The following PSMD12 variants were observed in gnomAD, a reference collection of about 807,000 sequenced individuals.
PSMD12 encodes the protein proteasome 26S subunit, non-ATPase 12.
PSMD12 carries 8 observed loss-of-function variants against 62.9 expected under a neutral mutation model. That is an observed-to-expected ratio of 0.13 (90% CI 0.07 to 0.23). The LOEUF is 0.23. Ranked by LOEUF, PSMD12 falls within the 10% of genes least tolerant of loss-of-function variation. The pLI, the probability that PSMD12 is intolerant of heterozygous loss-of-function variation, is 1.00. For missense variants in PSMD12, 424 were observed against 550.2 expected, an observed-to-expected ratio of 0.77 and a Z score of 2.29; for synonymous variants, 173 against 187.4, an observed-to-expected ratio of 0.92 and a Z score of 0.63.
chr17:67,338,223 T>C lies in PSMD12; in HGVS notation c.*2620A>G, dbSNP rs1211146195. On this transcript the variant is annotated 3_prime_UTR_variant, in exon 11 of 11. Transcript: ENST00000356126. ...CCTCTCCTGCTGGTTAATACACTAA[T>C]GACAATGAAATGGAATCAAGTGTTA... 2 of 152,234 alleles carry C rather than the reference T, an allele frequency of 1.3e-5. No individual in the cohort carries two copies. The highest frequency in any genetic ancestry group is 6.5e-5 in the Admixed American group (1 of 15,278). 9.4% of individuals were successfully genotyped at this position (152,234 alleles called of 1,614,324 possible). A position where few individuals can be genotyped will look rare whatever the true frequency, so the allele number is the denominator to read the frequency against.
intron 1 of PSMD12, among the ~76,000 whole-genome samples, chr17:67,362,223 T>C (rs2042137210): frequency 6.6e-6 from 1 of 152,140 alleles, no homozygotes. Flanking sequence ...AAATACCATA[T>C]CTTTACAGTG....
chr17:67,340,388 T>C lies in PSMD12; in HGVS notation c.*455A>G. The C allele has an allele frequency of 6.5e-6, 1 of 153,894 alleles. No individual in the cohort carries two copies. Among genetic ancestry groups the C allele is most frequent in the African/African-American group, 2.4e-5 (1 of 41,596 alleles). The allele number at this position is 153,894 out of a possible 1,614,324, so 9.5% of individuals were successfully genotyped here. ...GTTCTTGTATGCTCTATGTTGCTTT[T>C]CTATTCTACTAAATGACTGATAGCT... On this transcript the variant is annotated 3_prime_UTR_variant, in exon 11 of 11. Coordinates refer to ENST00000356126, the MANE Select transcript of PSMD12 (RefSeq NM_002816.5).
intron 1 of PSMD12, among the ~76,000 whole-genome samples, chr17:67,363,411 C>T (rs954294699): frequency 2.0e-5 from 3 of 152,100 alleles, no homozygotes; most frequent in Non-Finnish European, 4.4e-5. Flanking sequence ...TCCCAAAGTG[C>T]TATATACACA....
intron 3 of PSMD12, among the ~76,000 whole-genome samples, chr17:67,356,346 C>T (rs1330663264): frequency 6.6e-6 from 1 of 151,260 alleles, no homozygotes; most frequent in African/African-American, 2.4e-5. Flanking sequence ...ATCACGAGGT[C>T]AGGAGATCGA....
At position 67,347,140 on chromosome 17, in the gene PSMD12, C is replaced by T. The variant is rs1254383476; in HGVS notation, c.771G>A (p.Gln257=). ...YRAIYDTPCI[Q]AESEKWQQAL... ...CCTGCTGCCATTTTTCACTTTCTGCCTGTATACAGGGAGTATCATATATTG... is the reference window on the plus strand; with the variant it reads ...CCTGCTGCCATTTTTCACTTTCTGCTTGTATACAGGGAGTATCATATATTG... The change falls in exon 7 of 11, where the codon CAG becomes CAA. Residue 257 remains glutamine (Q), a synonymous_variant. Transcript: ENST00000356126. 1 of 1,603,374 alleles carries T rather than the reference C, an allele frequency of 6.2e-7. No homozygotes were observed. The highest frequency in any genetic ancestry group is 8.5e-7 in the Non-Finnish European group (1 of 1,173,904).
chr17:67,342,323 C>T (rs2041922917), intron 9 of PSMD12, 60 bp from the exon 10 acceptor site: 1 of 1,068,028 alleles, frequency 9.4e-7, no homozygotes, highest in Admixed American at 2.1e-5. Context: ...TCTAAAAGTC[C>T]ATTTATTTTC....
chr17:67,356,627 A>C (rs535289561), intron 3 of PSMD12, among the ~76,000 whole-genome samples: 1 of 151,058 alleles, frequency 6.6e-6, no homozygotes, highest in Non-Finnish European at 1.5e-5. Context: ...AAAATTTTGA[A>C]ACAGCATAAA....
At chr17:67,345,058 T>C (rs918223335) in intron 8 of PSMD12, among the ~76,000 whole-genome samples, 6 of 152,176 alleles carry the variant, frequency 3.9e-5, no homozygotes, top group African/African-American at 1.2e-4. Flanking sequence ...CAAACAGAAA[T>C]AAGAGCCTGT....
chr17:67,358,082 C>T (rs780088081), intron 1 of PSMD12, among the ~76,000 whole-genome samples: 18 of 152,034 alleles, frequency 1.2e-4, no homozygotes, highest in East Asian at 3.9e-4. Flanking sequence ...CCACCACACC[C>T]GGCTAATTTT....
chr17:67,356,557 CAAAAAAAAA>C lies in PSMD12; in HGVS notation c.297+737_297+745del, dbSNP rs35353017. On this transcript the variant is annotated intron_variant, in intron 3 of 10. Transcript: ENST00000356126. Reference sequence around the variant, plus strand: ...TGGGCGACAGAGCGAGACTCCGTCTCAAAAAAAAAAAAAAAAAAAAAAAAAAAAAGAAAA... The same window carrying C: ...TGGGCGACAGAGCGAGACTCCGTCTCAAAAAAAAAAAAAAAAAAAAGAAAA... 2.6e-3 allele frequency among the ~76,000 whole-genome samples: 39 copies of C among 14,982 alleles called. No homozygotes were observed. In the South Asian group the frequency reaches 0.11, roughly 42 times the overall value. 9.8% of individuals were successfully genotyped at this position (14,982 alleles called of 152,430 possible). A position where few individuals can be genotyped will look rare whatever the true frequency, so the allele number is the denominator to read the frequency against.
intron 3 of PSMD12, among the ~76,000 whole-genome samples, chr17:67,351,371 G>A (rs1394302025): frequency 6.9e-6 from 1 of 144,542 alleles, no homozygotes; most frequent in Non-Finnish European, 1.5e-5. Flanking sequence ...CAGCCTGGGA[G>A]ACAGATCGAG....
Position 67,340,855 on chromosome 17 carries a change from A to T in PSMD12, c.1359T>A (p.His453Gln). Residue 453 changes from histidine (H) to glutamine (Q), a missense_variant, in exon 11 of 11, where the codon CAT (histidine) becomes CAA (glutamine). Coordinates refer to ENST00000356126, the MANE Select transcript of PSMD12 (RefSeq NM_002816.5). ...THLIAKEEMI[H>Q]NLQ ...AGCACTAAGACCCTTATTGTAGATT[A>T]TGTATCATCTCCTCTTTGGCTATGA... is the stretch of plus-strand genomic sequence containing the variant. 6.3e-7 allele frequency: 1 copy of T among 1,577,560 alleles called. No individual in the cohort carries two copies. The highest frequency in any genetic ancestry group is 8.6e-7 in the Non-Finnish European group (1 of 1,167,584).
At chr17:67,359,560 T>C (rs1302263550) in intron 1 of PSMD12, among the ~76,000 whole-genome samples, 1 of 152,340 alleles carries the variant, frequency 6.6e-6, no homozygotes, top group African/African-American at 2.4e-5. Flanking sequence ...ACTTATTAAA[T>C]AGCTTCTGAA....
intron 4 of PSMD12, 150 bp from the exon 5 acceptor site, chr17:67,348,804 C>G (rs922902747): frequency 1.6e-6 from 1 of 629,678 alleles, no homozygotes; most frequent in Non-Finnish European, 2.7e-6. Context: ...TTGAGACCAG[C>G]CTGGGAAACA....
At chr17:67,357,675 A>T in intron 1 of PSMD12, 97 bp from the exon 2 acceptor site, 1 of 1,233,880 alleles carries the variant, frequency 8.1e-7, no homozygotes, top group South Asian at 1.3e-5. Context: ...GGAAAAATCA[A>T]CAGCCTCTTC....
At position 67,347,458 on chromosome 17, in the gene PSMD12, T is replaced by C. The variant is rs1275414474; in HGVS notation, c.538A>G (p.Lys180Glu). ...TCCAAAATAAATTCCACTCGCTCTT[T>C]CTTTTCCATTGACCCGTAGGTTTCC... ...QVETYGSMEK[K>E]ERVEFILEQM... The change falls in exon 6 of 11, where the codon AAA becomes GAA. Residue 180 changes from lysine to glutamate, a missense_variant. Coordinates refer to ENST00000356126, the MANE Select transcript of PSMD12 (RefSeq NM_002816.5). The C allele has an allele frequency of 1.2e-6, 2 of 1,613,592 alleles. No individual in the cohort carries two copies. Among genetic ancestry groups the C allele is most frequent in the African/African-American group, 1.3e-5 (1 of 74,940 alleles).
intron 3 of PSMD12, among the ~76,000 whole-genome samples, chr17:67,356,443 A>G (rs932896236): frequency 4.0e-4 from 59 of 149,006 alleles, no homozygotes; most frequent in African/African-American, 1.4e-3. Flanking sequence ...CTGTAGTCCC[A>G]GCTACTCGGG....
At position 67,341,061 on chromosome 17, in the gene PSMD12, G is replaced by C. The variant is rs898789400; in HGVS notation, c.1162-9C>G. 1.3e-6 allele frequency: 2 copies of C among 1,527,670 alleles called. No homozygotes were observed. The highest frequency in any genetic ancestry group is 4.7e-5 in the Admixed American group (2 of 42,572). 94.6% of individuals were successfully genotyped at this position (1,527,670 alleles called of 1,614,324 possible). ...AGAAAGGCTTCGGACTCCTGCAAGA[G>C]AGAAAGATAAATTGGATTAAGACAG... On this transcript the variant is annotated splice_polypyrimidine_tract_variant and intron_variant, in intron 10 of 10. Coordinates refer to ENST00000356126, the MANE Select transcript of PSMD12 (RefSeq NM_002816.5).
At chr17:67,345,202 T>A (rs1464456332) in intron 8 of PSMD12, among the ~76,000 whole-genome samples, 2 of 152,246 alleles carry the variant, frequency 1.3e-5, no homozygotes, top group African/African-American at 4.8e-5. Context: ...AATGTAGACC[T>A]GATATGAAAC....
Sources: allele counts gnomAD v4.1 joint callset (sites outside exome capture counted in the v4.1 genomes callset), GRCh38; gene constraint gnomAD v4.1.1; transcripts MANE v1.5; gene names NCBI Gene and HGNC (gene_info 2026-07-23, HGNC 2026-07-21).